The following MAP3K13 variants were observed in gnomAD, a reference collection of about 807,000 sequenced individuals.
The protein encoded by MAP3K13 is mitogen-activated protein kinase kinase kinase 13, also known as leucine zipper-bearing kinase.
A neutral mutation model predicts 104.0 loss-of-function variants in MAP3K13; 52 were observed. The ratio of observed to expected loss-of-function variants is 0.50; its 90% CI spans 0.40 to 0.63. The LOEUF (loss-of-function observed/expected upper bound fraction) is 0.63, where lower values mean the gene tolerates loss of function less well. Among genes scored for constraint, MAP3K13 ranks in the 20% least tolerant of loss-of-function variants. The probability of loss-of-function intolerance (pLI) is 0.00; values close to 1 mark genes in which losing one functional copy is unlikely to be tolerated. For missense variants in MAP3K13, 914 were observed against 1,218.5 expected (o/e 0.75, Z 3.72); for synonymous variants, 394 against 442.2 (o/e 0.89, Z 1.37).
chr3:185,413,845 A>G (rs1229626509), intron 1 of MAP3K13, among the ~76,000 whole-genome samples: 3 of 152,198 alleles, frequency 2.0e-5, no homozygotes, highest in African/African-American at 7.2e-5. Context: ...CAAAACAAAC[A>G]AAAACCAGAA....
At chr3:185,468,686 A>G (rs1717601035) in intron 10 of MAP3K13, among the ~76,000 whole-genome samples, 1 of 152,228 alleles carries the variant, frequency 6.6e-6, no homozygotes, top group South Asian at 2.1e-4. Flanking sequence ...TAGGTACCTA[A>G]CTTCTAACGA....
chr3:185,343,612 C>A (rs894240590), intron 2 of MAP3K13, among the ~76,000 whole-genome samples: 5 of 152,012 alleles, frequency 3.3e-5, no homozygotes, highest in African/African-American at 1.2e-4. Context: ...GCCACCATGC[C>A]CAGCTAGTTT....
chr3:185,377,750 A>G (rs1214213475), intron 1 of MAP3K13, among the ~76,000 whole-genome samples: 1 of 152,234 alleles, frequency 6.6e-6, no homozygotes, highest in African/African-American at 2.4e-5. Flanking sequence ...AGAATTACCT[A>G]AAGCATCTGT....
intron 2 of MAP3K13, among the ~76,000 whole-genome samples, chr3:185,326,120 T>A (rs1404638464): frequency 6.6e-6 from 1 of 152,134 alleles, no homozygotes; most frequent in Non-Finnish European, 1.5e-5. Context: ...TGGCACCCCA[T>A]GAAATTTCCT....
At chr3:185,382,490 A>T (rs920403767) in intron 1 of MAP3K13, among the ~76,000 whole-genome samples, 4 of 152,154 alleles carry the variant, frequency 2.6e-5, no homozygotes, top group African/African-American at 9.7e-5. Context: ...TACATTTAAA[A>T]TTTTTTCAGG....
In MAP3K13 at chr3:185,487,323, CACA is replaced by C. The variant is rs1382777886; in HGVS notation, c.*4872_*4874del. 2 of 151,878 alleles carry C rather than the reference CACA, an allele frequency of 1.3e-5. No homozygotes were observed. The highest frequency in any genetic ancestry group is 4.9e-5 in the African/African-American group (2 of 40,948). The allele number at this position is 151,878 out of a possible 1,614,324, so 9.4% of individuals were successfully genotyped here. A position where few individuals can be genotyped will look rare whatever the true frequency, so the allele number is the denominator to read the frequency against. On this transcript the variant is annotated 3_prime_UTR_variant, in exon 14 of 14. Coordinates refer to ENST00000265026, the MANE Select transcript of MAP3K13 (RefSeq NM_004721.5). Reference sequence around the variant, plus strand: ...GGGACCACAGGTGTGTGCCACCATGCACAACAATTTTTTTTTTTTTTTTGTAGA... The same window carrying C: ...GGGACCACAGGTGTGTGCCACCATGCACAATTTTTTTTTTTTTTTTGTAGA...
At chr3:185,323,496 G>A (rs1721939070) in intron 2 of MAP3K13, among the ~76,000 whole-genome samples, 1 of 152,036 alleles carries the variant, frequency 6.6e-6, no homozygotes, top group Non-Finnish European at 1.5e-5. Flanking sequence ...TCCACGTCCA[G>A]CTAATTTTGT....
chr3:185,333,119 T>C (rs1722343796), intron 2 of MAP3K13, among the ~76,000 whole-genome samples: 1 of 152,248 alleles, frequency 6.6e-6, no homozygotes, highest in African/African-American at 2.4e-5. Flanking sequence ...ATTTTTTTCC[T>C]ATTTTTAATT....
chr3:185,357,165 C>T (rs1270902642), intron 2 of MAP3K13, among the ~76,000 whole-genome samples: 1 of 151,192 alleles, frequency 6.6e-6, no homozygotes, highest in South Asian at 2.1e-4. Flanking sequence ...GAATTCTAGG[C>T]CGGGTGCAGT....
At position 185,450,124 on chromosome 3, in the gene MAP3K13, G is replaced by A. The variant is rs1480945513; in HGVS notation, c.1169+66G>A. The A allele has an allele frequency of 2.1e-6, 3 of 1,424,034 alleles. No individual in the cohort carries two copies. The South Asian group carries it at 4.4e-5, about 21-fold the overall frequency. The allele number at this position is 1,424,034 out of a possible 1,614,324, so 88.2% of individuals were successfully genotyped here. ...GTGTATTTGGAGTAAATATCCTGGT[G>A]GTGGAAAGAATAGGAGCTTTGGAGT... is the stretch of plus-strand genomic sequence containing the variant. On this transcript the variant is annotated intron_variant, in intron 6 of 13. Transcript: ENST00000265026. This position sits in a 1 kb window ranked among gnomAD's most constrained non-coding sequence, Gnocchi z 4.2.
At chr3:185,316,253 T>G (rs1486799947) in intron 2 of MAP3K13, among the ~76,000 whole-genome samples, 1 of 152,208 alleles carries the variant, frequency 6.6e-6, no homozygotes, top group East Asian at 1.9e-4. Context: ...TTGCAATAAC[T>G]TTTAAAGAAA....
chr3:185,418,924 G>T lies in MAP3K13; in HGVS notation c.-85-9573G>T. On this transcript the variant is annotated intron_variant, in intron 1 of 13. Coordinates refer to ENST00000265026, the MANE Select transcript of MAP3K13 (RefSeq NM_004721.5). This position sits in a 1 kb window ranked among gnomAD's most constrained non-coding sequence, Gnocchi z 4.5. ...CTAGAATCAAATGTGAATCTCATTAGTAGAAAAGGTAAAAACAAAATAGGA... is the reference window on the plus strand; with the variant it reads ...CTAGAATCAAATGTGAATCTCATTATTAGAAAAGGTAAAAACAAAATAGGA... The T allele has an allele frequency of 2.2e-6, 2 of 898,562 alleles. No homozygotes were observed. The highest frequency in any genetic ancestry group is 3.2e-6 in the Non-Finnish European group (2 of 615,540). 55.7% of individuals were successfully genotyped at this position (898,562 alleles called of 1,614,324 possible). A position where few individuals can be genotyped will look rare whatever the true frequency, so the allele number is the denominator to read the frequency against.
At chr3:185,469,587 C>A (rs1306039694) in intron 10 of MAP3K13, among the ~76,000 whole-genome samples, 1 of 152,200 alleles carries the variant, frequency 6.6e-6, no homozygotes, top group Non-Finnish European at 1.5e-5. Context: ...CCCTTAATAC[C>A]TGGAACTTCC....
Position 185,487,588 on chromosome 3 carries a change from T to C in MAP3K13, c.*5132T>C, listed in dbSNP as rs2148936015. ...TCAATGTCCTCATGTCTCAATTTTT[T>C]TTTCCTTTTCTTAAAACAGTCCCAC... On this transcript the variant is annotated 3_prime_UTR_variant, in exon 14 of 14. Coordinates refer to ENST00000265026, the MANE Select transcript of MAP3K13 (RefSeq NM_004721.5). 6.6e-6 allele frequency: 1 copy of C among 152,286 alleles called. No homozygotes were observed. The highest frequency in any genetic ancestry group is 2.1e-4 in the South Asian group (1 of 4,820). The allele number at this position is 152,286 out of a possible 1,614,324, so 9.4% of individuals were successfully genotyped here. A position where few individuals can be genotyped will look rare whatever the true frequency, so the allele number is the denominator to read the frequency against.
intron 7 of MAP3K13, among the ~76,000 whole-genome samples, chr3:185,456,951 A>G (rs1716791089): frequency 6.6e-6 from 1 of 152,134 alleles, no homozygotes; most frequent in Admixed American, 6.6e-5. Context: ...TTTGAAAAGC[A>G]ATTTCTGATG....
Position 185,428,767 on chromosome 3 carries a change from C to T in MAP3K13, c.186C>T (p.Ser62=), listed in dbSNP as rs1402506429. 1.2e-6 allele frequency: 2 copies of T among 1,614,132 alleles called. No individual in the cohort carries two copies. Among genetic ancestry groups the T allele is most frequent in the Non-Finnish European group, 8.5e-7 (1 of 1,180,032 alleles). Residue 62 remains serine, a synonymous_variant, in exon 2 of 14, where the codon AGC becomes AGT. Transcript: ENST00000265026. ...VRTELIESVH[S]PVTTTVLTSV... ...CAGAGCTAATCGAGAGCGTGCACAGCCCCGTCACCACAACAGTGTTGACGA... is the reference window on the plus strand; with the variant it reads ...CAGAGCTAATCGAGAGCGTGCACAGTCCCGTCACCACAACAGTGTTGACGA...
At chr3:185,295,353 C>T (rs188342663) in intron 2 of MAP3K13, among the ~76,000 whole-genome samples, 29 of 152,194 alleles carry the variant, frequency 1.9e-4, no homozygotes, top group East Asian at 1.9e-4. Context: ...TATAGGCGCC[C>T]GCCACTATGC....
intron 1 of MAP3K13, among the ~76,000 whole-genome samples, chr3:185,391,660 A>G (rs977329069): frequency 4.6e-5 from 7 of 152,182 alleles, no homozygotes; most frequent in African/African-American, 1.7e-4. Context: ...TTAATGGTTG[A>G]GCAACAGCTG....
chr3:185,418,072 T>C lies in MAP3K13; in HGVS notation c.-85-10425T>C, dbSNP rs1356221615. The C allele has an allele frequency of 4.9e-5, 79 of 1,611,924 alleles. No individual in the cohort carries two copies. Among genetic ancestry groups the C allele is most frequent in the Non-Finnish European group, 6.4e-5 (76 of 1,179,708 alleles). ...CCCACCAGGAGCAAGCTTCAAAATG[T>C]TCAGCTTGCTTACATTAAGCAGAGT... On this transcript the variant is annotated intron_variant, in intron 1 of 13. Coordinates refer to ENST00000265026, the MANE Select transcript of MAP3K13 (RefSeq NM_004721.5). The surrounding 1 kb of genome is among the most constrained non-coding windows in gnomAD (Gnocchi z 4.5).
Sources: gnomAD v4.1 joint callset for allele counts (sites outside exome capture counted in the v4.1 genomes callset) on GRCh38, gnomAD v4.1.1 for gene constraint, Gnocchi (gnomAD v3.1) non-coding constraint, MANE v1.5 for transcripts, NCBI Gene and HGNC (gene_info 2026-07-23, HGNC 2026-07-21) for gene names.